The following TRPM2 variants were observed in gnomAD, a reference collection of about 807,000 sequenced individuals.
TRPM2 encodes the protein estrogen-responsive element-associated gene 1 protein.
Under a neutral mutation model 174.0 loss-of-function variants are expected in TRPM2, and 161 were observed. The observed-to-expected ratio is 0.93, with a 90% CI of 0.81 to 1.05. The LOEUF (loss-of-function observed/expected upper bound fraction) is 1.05. Among genes scored for constraint, TRPM2 ranks in the 50% least tolerant of loss-of-function variants. TRPM2 has a pLI of 0.00. For missense variants in TRPM2, 2,057 were observed against 2,038.0 expected, an observed-to-expected ratio of 1.01 and a Z score of -0.18; for synonymous variants, 954 against 861.3, an observed-to-expected ratio of 1.11 and a Z score of -1.88.
Position 44,441,712 on chromosome 21 carries a change from G to C in TRPM2, c.4407G>C (p.Ser1469=), listed in dbSNP as rs573320087. Residue 1469 remains serine (S), a synonymous_variant, in exon 32 of 32, where the codon TCG becomes TCC. Transcript: ENST00000397928. The part of the protein sequence containing the change: ...RLNSNLHACD[S]GASIRWQVVD... ...TCCAGAACCTGCACGCCTGCGACTC[G>C]GGGGCCTCCATCCGATGGCAGGTGG... 3.7e-6 allele frequency: 6 copies of C among 1,610,928 alleles called. No homozygotes were observed. In the Admixed American group the frequency reaches 5.0e-5, roughly 13 times the overall value.
chr21:44,386,105 G>T (rs559391489), intron 9 of TRPM2, among the ~76,000 whole-genome samples: 18 of 152,312 alleles, frequency 1.2e-4, no homozygotes, highest in African/African-American at 4.3e-4. Context: ...TGCCACATTT[G>T]CCAGGTGTGA....
In TRPM2 at chr21:44,406,004, G is replaced by A. The variant is rs547910952; in HGVS notation, c.2757G>A (p.Thr919=). The change falls in exon 18 of 32, where the codon ACG becomes ACA. Residue 919 remains threonine, a synonymous_variant. Coordinates refer to ENST00000397928, the MANE Select transcript of TRPM2 (RefSeq NM_003307.4). ...RLMHIFTISK[T]LGPKIIIVKR... Reference sequence around the variant, plus strand: ...TGCACATTTTTACCATCAGTAAGACGCTGGGGCCCAAGATCATCATTGTGA... The same window carrying A: ...TGCACATTTTTACCATCAGTAAGACACTGGGGCCCAAGATCATCATTGTGA... 11 of 1,608,180 alleles carry A rather than the reference G, an allele frequency of 6.8e-6. No homozygotes were observed. Among genetic ancestry groups the A allele is most frequent in the Non-Finnish European group, 9.3e-6 (11 of 1,179,736 alleles).
Position 44,423,692 on chromosome 21 carries a change from CGGGCTCCATGGAGCAGAGGTT to C in TRPM2, c.3512_3532del (p.Gly1171_Leu1177del). ...CTGGACCTGGACCCACTGAAGAGGTCGGGCTCCATGGAGCAGAGGTTGGCCTCCCTGGAGGAGCAGGTGGGT... is the reference window on the plus strand; with the variant it reads ...CTGGACCTGGACCCACTGAAGAGGTCGGCCTCCCTGGAGGAGCAGGTGGGT... On this transcript the variant is annotated inframe_deletion, in exon 23 of 32. Coordinates refer to ENST00000397928, the MANE Select transcript of TRPM2 (RefSeq NM_003307.4). 6.2e-7 allele frequency: 1 copy of C among 1,612,420 alleles called. No homozygotes were observed. Among genetic ancestry groups the C allele is most frequent in the Admixed American group, 1.7e-5 (1 of 59,864 alleles).
At chr21:44,394,533 A>G (rs936845358) in intron 11 of TRPM2, among the ~76,000 whole-genome samples, 7 of 151,104 alleles carry the variant, frequency 4.6e-5, no homozygotes, top group Non-Finnish European at 7.4e-5. Context: ...GTTAGCCAGG[A>G]TGGTCTCGAT....
At chr21:44,406,834 C>G (rs45483495) in intron 19 of TRPM2, 69 bp downstream of exon 19, 3 of 1,533,960 alleles carry the variant, frequency 2.0e-6, no homozygotes, top group African/African-American at 2.8e-5. Flanking sequence ...GGAAAGGGGC[C>G]GCATGAGTGG....
intron 30 of TRPM2, among the ~76,000 whole-genome samples, chr21:44,440,260 C>T (rs1290650074): frequency 2.1e-5 from 2 of 94,950 alleles, no homozygotes; most frequent in Non-Finnish European, 2.0e-5. Flanking sequence ...TTGCTTGAAC[C>T]AGGCGGCGGA....
At chr21:44,426,322 G>A (rs182018557) in intron 25 of TRPM2, among the ~76,000 whole-genome samples, 389 of 152,286 alleles carry the variant, frequency 2.6e-3, no homozygotes, top group Non-Finnish European at 4.4e-3. Context: ...TGCTGCTTCC[G>A]CTGCCTCCCC....
chr21:44,435,813 A>C (rs199751319), intron 28 of TRPM2, among the ~76,000 whole-genome samples: 16 of 51,510 alleles, frequency 3.1e-4, no homozygotes, highest in East Asian at 1.8e-3. Flanking sequence ...CACTCTCCAC[A>C]CCCATCCACG....
chr21:44,413,027 A>G (rs758490243), intron 19 of TRPM2, among the ~76,000 whole-genome samples: 1 of 151,904 alleles, frequency 6.6e-6, no homozygotes, highest in Non-Finnish European at 1.5e-5. Flanking sequence ...ACAACTTACT[A>G]TGTTTCCTTA....
At chr21:44,433,668 G>A (rs892162321) in intron 27 of TRPM2, among the ~76,000 whole-genome samples, 4 of 152,184 alleles carry the variant, frequency 2.6e-5, no homozygotes, top group African/African-American at 7.2e-5. Context: ...GGGTGGGGCC[G>A]GGGCTCTGGT....
chr21:44,417,857 C>A, intron 20 of TRPM2, 70 bp from the exon 21 acceptor site: 2 of 1,510,742 alleles, frequency 1.3e-6, no homozygotes, highest in Non-Finnish European at 9.0e-7. Flanking sequence ...AGTGGGCACG[C>A]AGGCGGTGAG....
chr21:44,409,074 A>T (rs1051912811), intron 19 of TRPM2, among the ~76,000 whole-genome samples: 1 of 151,886 alleles, frequency 6.6e-6, no homozygotes, highest in Admixed American at 6.6e-5. Context: ...TATGATTTGA[A>T]TTTTTTTTGT....
At chr21:44,377,879 C>A (rs542122952) in intron 7 of TRPM2, 106 bp downstream of exon 7, 2 of 1,275,950 alleles carry the variant, frequency 1.6e-6, no homozygotes, top group Non-Finnish European at 2.2e-6. Context: ...GGCAAGAGGG[C>A]GATGAGCTTT....
At chr21:44,420,690 G>C (rs1438660075) in intron 22 of TRPM2, among the ~76,000 whole-genome samples, 1 of 152,222 alleles carries the variant, frequency 6.6e-6, no homozygotes, top group Non-Finnish European at 1.5e-5. Flanking sequence ...GCTGGGGGAA[G>C]GTGCTTGGGA....
chr21:44,394,286 G>A lies in TRPM2; in HGVS notation c.1795-1128G>A, dbSNP rs45548339. Among the ~76,000 whole-genome samples, 716 of 147,084 alleles carry A rather than the reference G, an allele frequency of 4.9e-3. 8 individuals are homozygous for A. Among genetic ancestry groups the A allele is most frequent in the African/African-American group, 0.017 (681 of 39,840 alleles). The stretch of plus-strand genomic sequence containing the variant: ...CCAAAGCAGAATCTCAAGCTTATCT[G>A]TACCTGTGGTTTAGGAAGAAAAACA... On this transcript the variant is annotated intron_variant, in intron 11 of 31. Transcript: ENST00000397928.
chr21:44,417,806 C>A, intron 20 of TRPM2, 121 bp from the exon 21 acceptor site: 1 of 1,025,824 alleles, frequency 9.7e-7, no homozygotes, highest in African/African-American at 1.6e-5. Flanking sequence ...TGTGGCATCA[C>A]AGTGGGCATG....
Position 44,367,552 on chromosome 21 carries a change from C to A in TRPM2, c.604+618C>A, listed in dbSNP as rs1419573462. On this transcript the variant is annotated intron_variant, in intron 4 of 31. Coordinates refer to ENST00000397928, the MANE Select transcript of TRPM2 (RefSeq NM_003307.4). The surrounding 1 kb of genome is among the most constrained non-coding windows in gnomAD (Gnocchi z 4.6). ...GGTGTGAGATCCCAGGTGCCGTGAC[C>A]TGGTGCCCCGCCCCACCCTAATTCC... is the stretch of plus-strand genomic sequence containing the variant. Among the ~76,000 whole-genome samples the A allele has an allele frequency of 6.6e-6, 1 of 152,208 alleles. No homozygotes were observed. Among genetic ancestry groups the A allele is most frequent in the Non-Finnish European group, 1.5e-5 (1 of 68,046 alleles).
At chr21:44,418,659 G>A in intron 22 of TRPM2, 104 bp downstream of exon 22, 2 of 1,427,032 alleles carry the variant, frequency 1.4e-6, no homozygotes, top group Non-Finnish European at 1.9e-6. Context: ...GCCCAGCAAT[G>A]CCTCACCGGT....
intron 2 of TRPM2, among the ~76,000 whole-genome samples, chr21:44,356,010 A>T (rs1397759838): frequency 4.6e-5 from 7 of 151,044 alleles, no homozygotes; most frequent in African/African-American, 1.7e-4. Context: ...TACCTGATAC[A>T]ATGTAGATGT....
Sources: allele counts gnomAD v4.1 joint callset (sites outside exome capture counted in the v4.1 genomes callset), GRCh38; gene constraint gnomAD v4.1.1; non-coding constraint Gnocchi (gnomAD v3.1); transcripts MANE v1.5; gene names NCBI Gene and HGNC (gene_info 2026-07-23, HGNC 2026-07-21).